Variants in XIRP2 observed in about 807,000 individuals in gnomAD.
The protein encoded by XIRP2 is xin actin-binding repeat-containing protein 2.
Under a neutral mutation model 277.0 loss-of-function variants are expected in XIRP2, and 236 were observed. The ratio of observed to expected loss-of-function variants is 0.85; its 90% CI spans 0.77 to 0.95. The LOEUF (loss-of-function observed/expected upper bound fraction) is 0.95, where lower values mean the gene tolerates loss of function less well. Ranked by LOEUF, XIRP2 falls within the 40% of genes least tolerant of loss-of-function variation. The pLI is 0.00. For missense variants in XIRP2, 4,640 were observed against 4,157.5 expected (o/e 1.12, Z -3.19); for synonymous variants, 1,490 against 1,416.5 (o/e 1.05, Z -1.17).
intron 2 of XIRP2, among the ~76,000 whole-genome samples, chr2:166,960,305 G>C (rs983662288): frequency 9.9e-5 from 15 of 151,728 alleles, no homozygotes; most frequent in Admixed American, 9.2e-4. Context: ...AGCCCAAAGA[G>C]TAAGTAGCAG....
At chr2:167,137,985 A>C (rs1219556214) in intron 3 of XIRP2, among the ~76,000 whole-genome samples, 1 of 152,196 alleles carries the variant, frequency 6.6e-6, no homozygotes, top group African/African-American at 2.4e-5. Context: ...GACAGCATGC[A>C]AGTTAAACTG....
At chr2:167,052,777 G>T (rs971625373) in intron 2 of XIRP2, among the ~76,000 whole-genome samples, 1 of 152,024 alleles carries the variant, frequency 6.6e-6, no homozygotes, top group African/African-American at 2.4e-5. Flanking sequence ...TTTTTGTGAG[G>T]CCCAAAAGAC....
Position 167,013,664 on chromosome 2 carries a change from T to C in XIRP2, c.408+109774T>C, listed in dbSNP as rs1288392975. Reference sequence around the variant, plus strand: ...GATTTTCTATTTGTCAAGGGACATATTTGTTACCATTTAAAAACACATTTC... The same window carrying C: ...GATTTTCTATTTGTCAAGGGACATACTTGTTACCATTTAAAAACACATTTC... On this transcript the variant is annotated intron_variant, in intron 2 of 10. Transcript: ENST00000409195. 2.0e-5 allele frequency among the ~76,000 whole-genome samples: 3 copies of C among 151,668 alleles called. No homozygotes were observed. In the East Asian group the frequency reaches 5.8e-4, roughly 29 times the overall value.
At chr2:167,007,343 T>A (rs376009846) in intron 2 of XIRP2, among the ~76,000 whole-genome samples, 2 of 151,778 alleles carry the variant, frequency 1.3e-5, no homozygotes, top group East Asian at 3.9e-4. Flanking sequence ...ATTTTTTAAA[T>A]CACTAAAAAT....
intron 2 of XIRP2, among the ~76,000 whole-genome samples, chr2:167,001,082 G>T (rs1392515950): frequency 6.6e-6 from 1 of 152,046 alleles, no homozygotes; most frequent in Non-Finnish European, 1.5e-5. Context: ...TTTCTATAAT[G>T]ATTAGTTTAA....
intron 2 of XIRP2, among the ~76,000 whole-genome samples, chr2:167,122,616 C>T (rs1056563993): frequency 1.3e-5 from 2 of 152,156 alleles, no homozygotes; most frequent in Admixed American, 6.6e-5. Flanking sequence ...GCTGATTCTT[C>T]CTTCTGAAAG....
chr2:167,064,843 T>C (rs1689263068), intron 2 of XIRP2, among the ~76,000 whole-genome samples: 1 of 151,936 alleles, frequency 6.6e-6, no homozygotes, highest in Non-Finnish European at 1.5e-5. Flanking sequence ...TTTTCCTTTT[T>C]TAAGGCTGAA....
intron 3 of XIRP2, chr2:167,187,638 T>A: frequency 1.3e-6 from 1 of 767,938 alleles, no homozygotes; most frequent in African/African-American, 1.9e-5. Flanking sequence ...GTAATCATTG[T>A]AAAAGAAAAT....
At chr2:167,027,221 C>G (rs939156072) in intron 2 of XIRP2, among the ~76,000 whole-genome samples, 2 of 152,022 alleles carry the variant, frequency 1.3e-5, no homozygotes, top group Admixed American at 6.6e-5. Context: ...TCTTTTTTCT[C>G]TAAACTTCCC....
intron 2 of XIRP2, among the ~76,000 whole-genome samples, chr2:166,967,276 G>A (rs1441145373): frequency 4.6e-5 from 7 of 151,858 alleles, no homozygotes; most frequent in Non-Finnish European, 1.0e-4. Context: ...ATCCCTAGGT[G>A]AAGGAAAAAC....
At chr2:167,252,961 A>G (rs1695557708) in intron 9 of XIRP2, among the ~76,000 whole-genome samples, 1 of 151,954 alleles carries the variant, frequency 6.6e-6, no homozygotes, top group South Asian at 2.1e-4. Context: ...AGCTTCTGTT[A>G]AGATAGCTCA....
intron 2 of XIRP2, among the ~76,000 whole-genome samples, chr2:166,951,775 T>C (rs1056279165): frequency 3.3e-5 from 5 of 152,024 alleles, no homozygotes; most frequent in African/African-American, 1.2e-4. Context: ...TCTTCTGCAA[T>C]CTTTACCCAT....
intron 2 of XIRP2, among the ~76,000 whole-genome samples, chr2:166,915,096 G>A (rs559962776): frequency 1.3e-5 from 2 of 151,604 alleles, no homozygotes; most frequent in Admixed American, 1.3e-4. Context: ...AGGAGATCGA[G>A]ACCATCCTGG....
In XIRP2 at chr2:167,056,110, G is replaced by C. The variant is rs192336614; in HGVS notation, c.409-79799G>C. Among the ~76,000 whole-genome samples, 20 of 152,074 alleles carry C rather than the reference G, an allele frequency of 1.3e-4. No homozygotes were observed. In the East Asian group the frequency reaches 3.7e-3, roughly 28 times the overall value. On this transcript the variant is annotated intron_variant, in intron 2 of 10. Transcript: ENST00000409195. Reference sequence around the variant, plus strand: ...AAAAAGTAGACCAGTTCCTCTTACAGCACAAACATTACCTGGAATAGAAAT... The same window carrying C: ...AAAAAGTAGACCAGTTCCTCTTACACCACAAACATTACCTGGAATAGAAAT...
At chr2:166,925,698 C>G (rs1685171075) in intron 2 of XIRP2, among the ~76,000 whole-genome samples, 1 of 149,774 alleles carries the variant, frequency 6.7e-6, no homozygotes, top group Non-Finnish European at 1.5e-5. Context: ...CACAATTTAT[C>G]TTAGTGTTCC....
intron 2 of XIRP2, among the ~76,000 whole-genome samples, chr2:167,048,055 A>G (rs550419605): frequency 3.9e-5 from 6 of 152,070 alleles, no homozygotes; most frequent in African/African-American, 1.4e-4. Flanking sequence ...ACTACCTCCA[A>G]ATACCATCAC....
intron 2 of XIRP2, among the ~76,000 whole-genome samples, chr2:167,130,883 G>A (rs1406579568): frequency 1.3e-5 from 2 of 151,914 alleles, no homozygotes; most frequent in Non-Finnish European, 2.9e-5. Flanking sequence ...AGAGTTTTCT[G>A]AATTCGTAAG....
At chr2:166,914,639 G>C (rs909764772) in intron 2 of XIRP2, among the ~76,000 whole-genome samples, 8 of 152,134 alleles carry the variant, frequency 5.3e-5, no homozygotes, top group African/African-American at 1.9e-4. Context: ...AACACACCTG[G>C]ACTAAACGTG....
intron 3 of XIRP2, among the ~76,000 whole-genome samples, chr2:167,191,199 A>G (rs1453779078): frequency 4.0e-5 from 6 of 151,284 alleles, no homozygotes; most frequent in Non-Finnish European, 8.8e-5. Flanking sequence ...AAAAAAAAAA[A>G]AAAGAAAAAG....
Sources: gnomAD v4.1 joint callset for allele counts (sites outside exome capture counted in the v4.1 genomes callset) on GRCh38, gnomAD v4.1.1 for gene constraint, MANE v1.5 for transcripts, NCBI Gene and HGNC (gene_info 2026-07-23, HGNC 2026-07-21) for gene names.